RGS5: variants seen among roughly 807,000 people sequenced by gnomAD.
RGS5 encodes regulator of G-protein signalling 5.
In RGS5, 20 loss-of-function variants were observed where a neutral mutation model predicts 18.9. The ratio of observed to expected loss-of-function variants is 1.06; its 90% CI spans 0.74 to 1.54. The LOEUF is 1.54. Ranked by LOEUF, RGS5 falls within the 40% of genes most tolerant of loss-of-function variation. The pLI is 0.00. For missense variants in RGS5, 201 were observed against 211.8 expected (o/e 0.95, Z 0.32); for synonymous variants, 57 against 76.2 (o/e 0.75, Z 1.31).
At chr1:163,197,336 T>C (rs996153202) in intron 1 of RGS5, among the ~76,000 whole-genome samples, 1 of 152,112 alleles carries the variant, frequency 6.6e-6, no homozygotes, top group African/African-American at 2.4e-5. Flanking sequence ...CTAACTCCTC[T>C]GTCCTCTTAG....
intron 1 of RGS5, among the ~76,000 whole-genome samples, chr1:163,173,469 A>T (rs983721286): frequency 1.3e-5 from 2 of 152,216 alleles, no homozygotes; most frequent in East Asian, 3.9e-4. Flanking sequence ...TCAAAAGGCC[A>T]CGGACCACCT....
intron 2 of RGS5, among the ~76,000 whole-genome samples, chr1:163,246,660 A>G (rs979442765): frequency 6.6e-6 from 1 of 152,214 alleles, no homozygotes; most frequent in Non-Finnish European, 1.5e-5. Flanking sequence ...ATCATTGGGA[A>G]GAACAGTTCT....
At chr1:163,272,653 T>C (rs554272394) in intron 2 of RGS5, among the ~76,000 whole-genome samples, 1 of 152,266 alleles carries the variant, frequency 6.6e-6, no homozygotes, top group East Asian at 1.9e-4. Flanking sequence ...CATCATTTGT[T>C]AAAAAAGAAG....
chr1:163,283,118 T>C (rs747245091), intron 2 of RGS5, among the ~76,000 whole-genome samples: 17 of 152,096 alleles, frequency 1.1e-4, no homozygotes, highest in Non-Finnish European at 2.1e-4. Flanking sequence ...ATGTGGTTAT[T>C]AGATCCTGGG....
chr1:163,279,737 T>G (rs1648944775), intron 2 of RGS5, among the ~76,000 whole-genome samples: 1 of 151,852 alleles, frequency 6.6e-6, no homozygotes, highest in Non-Finnish European at 1.5e-5. Flanking sequence ...ATTGGATTTT[T>G]GATAAGATAA....
chr1:163,150,661 T>C (rs1657336471), intron 4 of RGS5, among the ~76,000 whole-genome samples: 2 of 152,134 alleles, frequency 1.3e-5, no homozygotes, highest in African/African-American at 4.8e-5. Context: ...AATATCCACA[T>C]CAAACTTAAA....
chr1:163,212,714 C>T (rs928524304), intron 1 of RGS5: 5 of 152,268 alleles, frequency 3.3e-5, no homozygotes, highest in African/African-American at 1.2e-4. Context: ...CAATACACCA[C>T]TAACCTAAGT....
chr1:163,271,508 C>G (rs552975103), intron 2 of RGS5, among the ~76,000 whole-genome samples: 1 of 152,318 alleles, frequency 6.6e-6, no homozygotes, highest in Admixed American at 6.5e-5. Flanking sequence ...GCATCCTGAT[C>G]TTGAACTCTG....
chr1:163,275,134 G>C (rs1377536977), intron 2 of RGS5, among the ~76,000 whole-genome samples: 1 of 152,080 alleles, frequency 6.6e-6, no homozygotes, highest in Non-Finnish European at 1.5e-5. Context: ...AAACAAAAAA[G>C]TTTAGGCTGT....
chr1:163,292,098 A>G (rs1270807098), intron 2 of RGS5, among the ~76,000 whole-genome samples: 1 of 152,100 alleles, frequency 6.6e-6, no homozygotes, highest in Non-Finnish European at 1.5e-5. Context: ...GGTTTGCTGC[A>G]CAGATCATCC....
At chr1:163,249,817 GTAAAA>G (rs1202696169) in intron 2 of RGS5, among the ~76,000 whole-genome samples, 1 of 152,082 alleles carries the variant, frequency 6.6e-6, no homozygotes, top group Non-Finnish European at 1.5e-5. Context: ...ATAAAATAAA[GTAAAA>G]TAAAATAAGA....
upstream of RGS5, among the ~76,000 whole-genome samples, chr1:163,207,593 C>A (rs574921632): frequency 6.6e-6 from 1 of 152,314 alleles, no homozygotes; most frequent in South Asian, 2.1e-4. Flanking sequence ...TTCATATACA[C>A]ATTGGCCACT....
chr1:163,198,148 A>C (rs1400083031), intron 1 of RGS5, among the ~76,000 whole-genome samples: 1 of 152,190 alleles, frequency 6.6e-6, no homozygotes, highest in Non-Finnish European at 1.5e-5. Flanking sequence ...ATAATAATAC[A>C]TTTTAAAAAC....
intron 1 of RGS5, among the ~76,000 whole-genome samples, chr1:163,319,747 A>C (rs1650134144): frequency 6.6e-6 from 1 of 152,182 alleles, no homozygotes; most frequent in Non-Finnish European, 1.5e-5. Context: ...AGGGAAAATG[A>C]AATAGTAGGG....
At chr1:163,264,625 G>T (rs778149870) in intron 2 of RGS5, among the ~76,000 whole-genome samples, 1 of 152,086 alleles carries the variant, frequency 6.6e-6, no homozygotes, top group Non-Finnish European at 1.5e-5. Context: ...TGACCTCAAA[G>T]TCCTTCTTCC....
intron 2 of RGS5, among the ~76,000 whole-genome samples, chr1:163,250,523 G>C (rs928845188): frequency 2.0e-5 from 3 of 152,124 alleles, no homozygotes; most frequent in African/African-American, 7.2e-5. Context: ...CTAAACCTCT[G>C]CTAAAGAAAA....
Position 163,145,926 on chromosome 1 carries a change from T to C in RGS5, c.*1416A>G, listed in dbSNP as rs1657111197. ...ACATTTCAGAATTTTATTAATCCTT[T>C]AAAAATCACCCTATTTCTTTTGAGT... On this transcript the variant is annotated 3_prime_UTR_variant, in exon 5 of 5. Coordinates refer to ENST00000313961, the MANE Select transcript of RGS5 (RefSeq NM_003617.4). The C allele has an allele frequency of 6.6e-6, 1 of 152,174 alleles. No homozygotes were observed. The highest frequency in any genetic ancestry group is 6.6e-5 in the Admixed American group (1 of 15,260). The allele number at this position is 152,174 out of a possible 1,614,324, so 9.4% of individuals were successfully genotyped here. A position where few individuals can be genotyped will look rare whatever the true frequency, so the allele number is the denominator to read the frequency against.
chr1:163,193,011 A>C (rs189234502), intron 1 of RGS5, among the ~76,000 whole-genome samples: 1 of 152,220 alleles, frequency 6.6e-6, no homozygotes, highest in African/African-American at 2.4e-5. Flanking sequence ...GCACAAGAAA[A>C]TATCAAAAAG....
intron 1 of RGS5, among the ~76,000 whole-genome samples, chr1:163,198,315 T>C (rs1659649108): frequency 6.6e-6 from 1 of 152,102 alleles, no homozygotes; most frequent in African/African-American, 2.4e-5. Context: ...TTAAACACAT[T>C]ATACCCTTAG....
Sources: gnomAD v4.1 joint callset for allele counts (sites outside exome capture counted in the v4.1 genomes callset) on GRCh38, gnomAD v4.1.1 for gene constraint, MANE v1.5 for transcripts, NCBI Gene and HGNC (gene_info 2026-07-23, HGNC 2026-07-21) for gene names.